The following GALNT17 variants were observed in gnomAD, a reference collection of about 807,000 sequenced individuals.
GALNT17 encodes the protein polypeptide N-acetylgalactosaminyltransferase 17.
Under a neutral mutation model 63.7 loss-of-function variants are expected in GALNT17, and 29 were observed. That is an observed-to-expected ratio of 0.46 (90% CI 0.34 to 0.62). The LOEUF is 0.62. Ranked by LOEUF, GALNT17 falls within the 20% of genes least tolerant of loss-of-function variation. The pLI is 0.01. For missense variants in GALNT17, 603 were observed against 799.6 expected (o/e 0.75, Z 2.97); for synonymous variants, 305 against 318.3 (o/e 0.96, Z 0.45).
At chr7:71,242,027 A>G (rs112659482) in intron 1 of GALNT17, among the ~76,000 whole-genome samples, 7 of 152,206 alleles carry the variant, frequency 4.6e-5, no homozygotes, top group Admixed American at 1.3e-4. Flanking sequence ...CTCATGGCTG[A>G]AGAGGAAGGG....
chr7:71,704,788 A>G (rs532264469), intron 9 of GALNT17, among the ~76,000 whole-genome samples: 3 of 152,336 alleles, frequency 2.0e-5, no homozygotes, highest in South Asian at 4.1e-4. Flanking sequence ...CTTTTCAGCA[A>G]TGGTGCCGGG....
At chr7:71,336,702 G>A (rs1049505016) in intron 2 of GALNT17, among the ~76,000 whole-genome samples, 1 of 152,202 alleles carries the variant, frequency 6.6e-6, no homozygotes, top group African/African-American at 2.4e-5. Context: ...GTATTCCATG[G>A]TGTATATGTG....
intron 6 of GALNT17, among the ~76,000 whole-genome samples, chr7:71,585,245 T>C (rs1789697767): frequency 6.6e-6 from 1 of 152,212 alleles, no homozygotes; most frequent in African/African-American, 2.4e-5. Context: ...GTTTCTGATG[T>C]TAGGATTCAA....
intron 5 of GALNT17, among the ~76,000 whole-genome samples, chr7:71,468,214 G>A (rs371881144): frequency 1.2e-3 from 179 of 152,038 alleles, no homozygotes; most frequent in African/African-American, 4.1e-3. Flanking sequence ...TTTTCTTGTA[G>A]AGATAGAGTC....
Position 71,557,715 on chromosome 7 carries a change from C to T in GALNT17, c.963-13570C>T, listed in dbSNP as rs141747581. Among the ~76,000 whole-genome samples the T allele has an allele frequency of 4.2e-3, 634 of 152,148 alleles. 2 individuals carry two copies. Among genetic ancestry groups the T allele is most frequent in the African/African-American group, 0.015 (617 of 41,514 alleles). ...CTGAGGCAGGAGAATCGCTTGAACC[C>T]GGGAAATGAAAGTTGCAGTGAACCG... On this transcript the variant is annotated intron_variant, in intron 5 of 10. Transcript: ENST00000333538.
intron 5 of GALNT17, among the ~76,000 whole-genome samples, chr7:71,437,836 G>T (rs767483338): frequency 2.6e-5 from 4 of 152,044 alleles, no homozygotes; most frequent in Non-Finnish European, 4.4e-5. Context: ...CACCTTAGTT[G>T]CCCAAGTAGC....
intron 5 of GALNT17, among the ~76,000 whole-genome samples, chr7:71,439,679 G>A (rs1404710691): frequency 6.6e-6 from 1 of 152,156 alleles, no homozygotes; most frequent in African/African-American, 2.4e-5. Flanking sequence ...TAAATTTAAG[G>A]ATTTTTAAAA....
chr7:71,344,207 G>A (rs1335759359), intron 2 of GALNT17, among the ~76,000 whole-genome samples: 1 of 152,002 alleles, frequency 6.6e-6, no homozygotes, highest in Non-Finnish European at 1.5e-5. Flanking sequence ...TAAAGGGGAG[G>A]CAGGGCATTT....
chr7:71,700,084 G>C (rs1791608273), intron 9 of GALNT17, among the ~76,000 whole-genome samples: 1 of 151,968 alleles, frequency 6.6e-6, no homozygotes, highest in African/African-American at 2.4e-5. Context: ...TTGAGGCTAG[G>C]AGTTCAAGAC....
rs146773401 is a variant in GALNT17 at position 71,683,143 on chromosome 7, G to A, written c.1500+5837G>A. Among the ~76,000 whole-genome samples, 772 of 152,246 alleles carry A rather than the reference G, an allele frequency of 5.1e-3. 9 individuals are homozygous for A. The highest frequency in any genetic ancestry group is 0.018 in the African/African-American group (732 of 41,556). On this transcript the variant is annotated intron_variant, in intron 9 of 10. Coordinates refer to ENST00000333538, the MANE Select transcript of GALNT17 (RefSeq NM_022479.3). ...GGATTAGGCTGCTCATGGCTCCCCC[G>A]GCTCTGGGATGGACGCTTGTTAAGT...
intron 1 of GALNT17, among the ~76,000 whole-genome samples, chr7:71,332,196 A>G (rs548220119): frequency 2.6e-5 from 4 of 152,252 alleles, no homozygotes; most frequent in South Asian, 4.1e-4. Context: ...TCAGACAAAC[A>G]TATGTGTAGT....
intron 5 of GALNT17, among the ~76,000 whole-genome samples, chr7:71,560,493 T>A (rs1375340552): frequency 6.6e-6 from 1 of 152,106 alleles, no homozygotes; most frequent in East Asian, 1.9e-4. Flanking sequence ...AAGCAGTGTC[T>A]CCCGTGGGAA....
intron 5 of GALNT17, among the ~76,000 whole-genome samples, chr7:71,523,784 T>TA (rs774919445): frequency 0.011 from 1,605 of 142,666 alleles, 10 homozygotes; most frequent in Non-Finnish European, 0.014. Flanking sequence ...AATAAATAAA[T>TA]AATAAAGAAA....
chr7:71,712,189 G>T lies in GALNT17; in HGVS notation c.*43G>T, dbSNP rs1167557293. 3.1e-6 allele frequency: 5 copies of T among 1,593,632 alleles called. No individual in the cohort carries two copies. Among genetic ancestry groups the T allele is most frequent in the Non-Finnish European group, 4.3e-6 (5 of 1,169,910 alleles). On this transcript the variant is annotated 3_prime_UTR_variant, in exon 11 of 11. Coordinates refer to ENST00000333538, the MANE Select transcript of GALNT17 (RefSeq NM_022479.3). ...ACTGGAGCCTGGCCCCCAGGACATG[G>T]CTGCTCCCCCCAACATCTGGACCAG... is the stretch of plus-strand genomic sequence containing the variant.
intron 5 of GALNT17, among the ~76,000 whole-genome samples, chr7:71,447,766 A>G (rs1787185939): frequency 6.6e-6 from 1 of 151,836 alleles, no homozygotes; most frequent in Non-Finnish European, 1.5e-5. Flanking sequence ...TTGTTTCCTT[A>G]ATTTGTTTTC....
rs1788286865 is a variant in GALNT17 at position 71,507,467 on chromosome 7, C to G, written c.963-63818C>G. Among the ~76,000 whole-genome samples the G allele has an allele frequency of 2.0e-5, 3 of 152,078 alleles. No homozygotes were observed. In the South Asian group the frequency reaches 6.2e-4, roughly 31 times the overall value. Reference sequence around the variant, plus strand: ...GTGATTTCTGATTTCTGGAGAAAACCTTGTCACAGGTCCAGAATAATTAGG... The same window carrying G: ...GTGATTTCTGATTTCTGGAGAAAACGTTGTCACAGGTCCAGAATAATTAGG... On this transcript the variant is annotated intron_variant, in intron 5 of 10. Transcript: ENST00000333538.
At chr7:71,382,987 C>A (rs984582022) in intron 2 of GALNT17, among the ~76,000 whole-genome samples, 1 of 152,122 alleles carries the variant, frequency 6.6e-6, no homozygotes, top group South Asian at 2.1e-4. Flanking sequence ...AAACACTGCA[C>A]CCAATCACAA....
At chr7:71,238,094 C>T (rs1026925887) in intron 1 of GALNT17, among the ~76,000 whole-genome samples, 1 of 152,196 alleles carries the variant, frequency 6.6e-6, no homozygotes, top group Non-Finnish European at 1.5e-5. Flanking sequence ...ATGTATTCAG[C>T]AAACAGAGCC....
chr7:71,709,969 GTA>G (rs1234176411), intron 9 of GALNT17, among the ~76,000 whole-genome samples: 1 of 152,142 alleles, frequency 6.6e-6, no homozygotes, highest in African/African-American at 2.4e-5. Flanking sequence ...ATGAGGTTGA[GTA>G]CTGTTTAATG....
Sources: gnomAD v4.1 joint callset for allele counts (sites outside exome capture counted in the v4.1 genomes callset) on GRCh38, gnomAD v4.1.1 for gene constraint, MANE v1.5 for transcripts, NCBI Gene and HGNC (gene_info 2026-07-23, HGNC 2026-07-21) for gene names.